The following GALNT8 variants were observed in gnomAD, a reference collection of about 807,000 sequenced individuals.
GALNT8 encodes the protein probable polypeptide N-acetylgalactosaminyltransferase 8.
Under a neutral mutation model 62.7 loss-of-function variants are expected in GALNT8, and 66 were observed. That is an observed-to-expected ratio of 1.05 (90% CI 0.86 to 1.29). The LOEUF is 1.29. Among genes scored for constraint, GALNT8 ranks in the 50% most tolerant of loss-of-function variants. The pLI is 0.00. For missense variants in GALNT8, 771 were observed against 791.8 expected, an observed-to-expected ratio of 0.97 and a Z score of 0.32; for synonymous variants, 288 against 294.3, an observed-to-expected ratio of 0.98 and a Z score of 0.22.
At chr12:4,763,478 C>T in intron 8 of GALNT8, 88 bp downstream of exon 8, 2 of 1,070,986 alleles carry the variant, frequency 1.9e-6, no homozygotes, top group Non-Finnish European at 2.8e-6. Flanking sequence ...CTGTCCTGCC[C>T]AAGACGCCCT....
chr12:4,746,833 C>T (rs189268397), intron 6 of GALNT8, among the ~76,000 whole-genome samples: 1 of 152,262 alleles, frequency 6.6e-6, no homozygotes, highest in East Asian at 1.9e-4. Context: ...CTGAGGCAGG[C>T]AGATTGCTTG....
chr12:4,754,820 G>A (rs1025623108), intron 6 of GALNT8, among the ~76,000 whole-genome samples: 1 of 152,142 alleles, frequency 6.6e-6, no homozygotes, highest in African/African-American at 2.4e-5. Context: ...GATAAATGCT[G>A]CCAGGACTGG....
chr12:4,739,485 A>G (rs1325660687), intron 3 of GALNT8, among the ~76,000 whole-genome samples, 156 bp downstream of exon 3: 2 of 152,264 alleles, frequency 1.3e-5, no homozygotes, highest in East Asian at 3.9e-4. Context: ...TGCTAGCCAC[A>G]TTTAATCTTC....
At chr12:4,765,305 G>A (rs1446716431) in intron 9 of GALNT8, 74 bp from the exon 10 acceptor site, 24 of 1,366,842 alleles carry the variant, frequency 1.8e-5, no homozygotes, top group African/African-American at 7.4e-5. Context: ...GCTGTCCCTC[G>A]GGCTAGGGTC....
Position 4,772,607 on chromosome 12 carries a change from G to T in GALNT8, c.*10G>T, listed in dbSNP as rs750862732. 6.2e-7 allele frequency: 1 copy of T among 1,607,922 alleles called. No homozygotes were observed. The highest frequency in any genetic ancestry group is 1.7e-5 in the Admixed American group (1 of 60,010). On this transcript the variant is annotated 3_prime_UTR_variant, in exon 11 of 11. Coordinates refer to ENST00000252318, the MANE Select transcript of GALNT8 (RefSeq NM_017417.2). ...GACCAACAGCCAGTGATCCTCAGAT[G>T]GTGCTGGATCTGGGTCATCAATTCT... is the stretch of plus-strand genomic sequence containing the variant.
chr12:4,765,349 C>A, intron 9 of GALNT8, 30 bp from the exon 10 acceptor site: 5 of 1,450,256 alleles, frequency 3.4e-6, no homozygotes, highest in Non-Finnish European at 4.6e-6. Context: ...GGTGAGCCCT[C>A]TGCTTTTTTT....
intron 2 of GALNT8, among the ~76,000 whole-genome samples, chr12:4,734,492 C>A (rs1475750350): frequency 6.6e-6 from 1 of 152,068 alleles, no homozygotes; most frequent in East Asian, 1.9e-4. Flanking sequence ...CTTCCACCTG[C>A]CCACCACATT....
Position 4,739,157 on chromosome 12 carries a change from T to C in GALNT8, c.510-6T>C. The C allele has an allele frequency of 6.3e-7, 1 of 1,590,844 alleles. No homozygotes were observed. The highest frequency in any genetic ancestry group is 8.6e-7 in the Non-Finnish European group (1 of 1,161,528). ...AATAATATGTTATAAAAATGGTCTC[T>C]TATAGATGTCTTCGGAAGACATATC... On this transcript the variant is annotated splice_polypyrimidine_tract_variant and splice_region_variant and intron_variant, in intron 2 of 10. Coordinates refer to ENST00000252318, the MANE Select transcript of GALNT8 (RefSeq NM_017417.2).
intron 6 of GALNT8, among the ~76,000 whole-genome samples, chr12:4,753,833 A>G (rs1017652693): frequency 5.9e-5 from 9 of 152,168 alleles, no homozygotes; most frequent in African/African-American, 1.9e-4. Context: ...CCTTCTTGGG[A>G]AGGCTTTCCA....
At chr12:4,727,767 G>T (rs766119050) in intron 2 of GALNT8, among the ~76,000 whole-genome samples, 1 of 152,074 alleles carries the variant, frequency 6.6e-6, no homozygotes, top group Non-Finnish European at 1.5e-5. Context: ...CATTCATCAG[G>T]TGATGAACAT....
chr12:4,749,456 T>G lies in GALNT8; in HGVS notation c.1173+3198T>G, dbSNP rs529042299. ...CATCCTGTTAATATGATGTTTCACA[T>G]TGATTGATCTGCATATGTTGAACAA... On this transcript the variant is annotated intron_variant, in intron 6 of 10. Transcript: ENST00000252318. The surrounding 1 kb of genome is among the most constrained non-coding windows in gnomAD (Gnocchi z 4.1). Among the ~76,000 whole-genome samples the G allele has an allele frequency of 3.9e-5, 6 of 152,228 alleles. No homozygotes were observed. The highest frequency in any genetic ancestry group is 1.3e-4 in the Admixed American group (2 of 15,290).
rs746078045 is a variant in GALNT8, at chr12:4,772,443, A to G, written c.1762-2A>G. 2.0e-5 allele frequency: 32 copies of G among 1,612,734 alleles called. No homozygotes were observed. Among genetic ancestry groups the G allele is most frequent in the Non-Finnish European group, 2.6e-5 (31 of 1,179,212 alleles). ...CTTGGCTCTGTCTCTCTTCCCCTCC[A>G]GGGAGGAGCTGTCATAAACAGAGAT... is the stretch of plus-strand genomic sequence containing the variant. On this transcript the variant is annotated splice_acceptor_variant, in intron 10 of 10. Transcript: ENST00000252318. LOFTEE classifies it high-confidence loss of function.
chr12:4,733,964 T>C (rs1263286575), intron 2 of GALNT8, among the ~76,000 whole-genome samples: 1 of 152,194 alleles, frequency 6.6e-6, no homozygotes, highest in East Asian at 1.9e-4. Context: ...CTCCTCTTAT[T>C]GCTCCTAGCT....
intron 3 of GALNT8, among the ~76,000 whole-genome samples, chr12:4,740,017 T>A (rs996598265): frequency 1.3e-5 from 2 of 151,716 alleles, no homozygotes; most frequent in African/African-American, 4.8e-5. Flanking sequence ...TGAAGCAGAG[T>A]CTAGAGAAGG....
rs1946381557 is a variant in GALNT8, at chr12:4,763,362, C to T, written c.1469C>T (p.Pro490Leu). ...AAAAATGTTTATCCACTCTTGAAGC[C>T]ACTCCACACCATCGTGGGCTATGGA... ...YLKNVYPLLK[P>L]LHTIVGYGRM... The change falls in exon 8 of 11, where the codon CCA becomes CTA. Residue 490 changes from proline to leucine, a missense_variant. Physicochemically the swap from Pro to Leu is moderately conservative, Grantham distance 98 (BLOSUM62 -3). Transcript: ENST00000252318. 1 of 1,612,792 alleles carries T rather than the reference C, an allele frequency of 6.2e-7. No homozygotes were observed. The highest frequency in any genetic ancestry group is 8.5e-7 in the Non-Finnish European group (1 of 1,178,918).
In GALNT8 at chr12:4,726,276, A is replaced by G. The variant is rs545730964; in HGVS notation, c.212-256A>G. Among the ~76,000 whole-genome samples the G allele has an allele frequency of 6.6e-6, 1 of 152,222 alleles. No homozygotes were observed. Among genetic ancestry groups the G allele is most frequent in the East Asian group, 1.9e-4 (1 of 5,170 alleles). On this transcript the variant is annotated intron_variant, in intron 1 of 10. Transcript: ENST00000252318. This position sits in a 1 kb window ranked among gnomAD's most constrained non-coding sequence, Gnocchi z 4.1. Reference sequence around the variant, plus strand: ...TTCTCAGATCATAGTCAGTTCTTCGAGGAGCTTTGAAGATGTGGGATGGAG... The same window carrying G: ...TTCTCAGATCATAGTCAGTTCTTCGGGGAGCTTTGAAGATGTGGGATGGAG...
At chr12:4,763,413 T>G in intron 8 of GALNT8, 23 bp downstream of exon 8, 2 of 1,597,396 alleles carry the variant, frequency 1.3e-6, no homozygotes, top group Non-Finnish European at 1.7e-6. Flanking sequence ...AAATTGCACT[T>G]TGGATTTTAA....
intron 3 of GALNT8, among the ~76,000 whole-genome samples, chr12:4,744,139 T>C (rs1946284429): frequency 6.6e-6 from 1 of 152,230 alleles, no homozygotes; most frequent in African/African-American, 2.4e-5. Context: ...AGTTTAGCTA[T>C]GAAGATGTTC....
At chr12:4,725,466 A>C (rs1409553603) in intron 1 of GALNT8, among the ~76,000 whole-genome samples, 1 of 152,058 alleles carries the variant, frequency 6.6e-6, no homozygotes, top group Non-Finnish European at 1.5e-5. Context: ...TTTAAAATAT[A>C]GATTCTCAGG....
Sources: gnomAD v4.1 joint callset for allele counts (sites outside exome capture counted in the v4.1 genomes callset) on GRCh38, gnomAD v4.1.1 for gene constraint, Gnocchi (gnomAD v3.1) non-coding constraint, MANE v1.5 for transcripts, NCBI Gene and HGNC (gene_info 2026-07-23, HGNC 2026-07-21) for gene names.